FNBP1: variants seen among roughly 807,000 people sequenced by gnomAD.
The protein encoded by FNBP1 is formin-binding protein 1.
In FNBP1, 26 loss-of-function variants were observed where a neutral mutation model predicts 90.6. The observed-to-expected ratio is 0.29, with a 90% CI of 0.21 to 0.40. The LOEUF (loss-of-function observed/expected upper bound fraction) is 0.40. FNBP1 is among the 10% of genes least tolerant of loss of function. The pLI is 1.00. For synonymous variants in FNBP1, 260 were observed against 265.2 expected (o/e 0.98, Z 0.19); for missense variants, 635 against 768.0 (o/e 0.83, Z 2.05).
chr9:129,971,340 T>C (rs1424063956), intron 4 of FNBP1, among the ~76,000 whole-genome samples: 2 of 152,160 alleles, frequency 1.3e-5, no homozygotes, highest in Non-Finnish European at 2.9e-5. Flanking sequence ...AAGCATCTTT[T>C]CTCCTAGATA....
chr9:130,052,390 T>G, the FNBP1 span, among the ~76,000 whole-genome samples: 1 of 152,312 alleles, frequency 6.6e-6, no homozygotes, highest in South Asian at 2.1e-4. Flanking sequence ...ACTATTTTAA[T>G]GTTTCATCAC....
chr9:129,894,972 C>T (rs1258069266), intron 16 of FNBP1, among the ~76,000 whole-genome samples: 5 of 152,212 alleles, frequency 3.3e-5, no homozygotes, highest in South Asian at 2.1e-4. Flanking sequence ...GCAGGAGAAT[C>T]GCTTGAACCT....
chr9:130,053,797 C>T, the FNBP1 span: 8 of 801,570 alleles, frequency 1.0e-5, no homozygotes, highest in Admixed American at 2.7e-5. Context: ...CTTCCTAGGT[C>T]GCAATCTCCA....
intron 11 of FNBP1, chr9:129,914,880 T>C (rs1479842204): frequency 4.3e-6 from 2 of 464,168 alleles, no homozygotes; most frequent in Non-Finnish European, 9.0e-6. Context: ...AGTTGATCAC[T>C]GTCCATTATT....
At chr9:129,897,498 T>C (rs1294135725) in intron 15 of FNBP1, among the ~76,000 whole-genome samples, 2 of 152,244 alleles carry the variant, frequency 1.3e-5, no homozygotes, top group Non-Finnish European at 2.9e-5. Context: ...CTGTAAAATT[T>C]ATTTATCCCA....
intron 6 of FNBP1, among the ~76,000 whole-genome samples, chr9:129,944,405 G>A (rs140010848): frequency 0.01 from 1,550 of 151,644 alleles, 18 homozygotes; most frequent in South Asian, 0.04. Context: ...GCTGGGCGTC[G>A]TGGTGGGCGC....
intron 6 of FNBP1, among the ~76,000 whole-genome samples, chr9:129,936,968 G>A (rs1369559641): frequency 1.3e-5 from 2 of 152,062 alleles, no homozygotes; most frequent in Non-Finnish European, 2.9e-5. Flanking sequence ...TCAAGAGTTC[G>A]AGACCAGCCT....
chr9:129,925,175 AG>A lies in FNBP1; in HGVS notation c.790-19del. ...TGTGAATCCTGAAATTATACCCACA[AG>A]CATATAAATACATTCAGAAGCATGC... is the stretch of plus-strand genomic sequence containing the variant. On this transcript the variant is annotated intron_variant, in intron 8 of 16. Transcript: ENST00000446176. 6.3e-7 allele frequency: 1 copy of A among 1,595,542 alleles called. No homozygotes were observed. The highest frequency in any genetic ancestry group is 1.7e-4 in the Middle Eastern group (1 of 6,012).
chr9:130,005,508 A>AT (rs1490731096), intron 1 of FNBP1, among the ~76,000 whole-genome samples: 3 of 151,758 alleles, frequency 2.0e-5, no homozygotes, highest in East Asian at 3.9e-4. Context: ...CACCCGGCTA[A>AT]TTTTTTGTAT....
rs947607923 is a variant in FNBP1, at chr9:129,908,394, G to A, written c.1295+496C>T. Among the ~76,000 whole-genome samples, 171 of 146,732 alleles carry A rather than the reference G, an allele frequency of 1.2e-3. 1 individual carries two copies. Among genetic ancestry groups the A allele is most frequent in the African/African-American group, 4.2e-3 (167 of 39,940 alleles). ...AGTTTTTTTCTTTTTTTTTTTTTTA[G>A]GGTTTTTGCTATGTTGCCTGGGCTG... On this transcript the variant is annotated intron_variant, in intron 12 of 16. Coordinates refer to ENST00000446176, the MANE Select transcript of FNBP1 (RefSeq NM_015033.3).
At chr9:130,008,818 C>A (rs1399963769) in intron 1 of FNBP1, among the ~76,000 whole-genome samples, 1 of 152,164 alleles carries the variant, frequency 6.6e-6, no homozygotes, top group African/African-American at 2.4e-5. Flanking sequence ...GGAAAACCAA[C>A]TGTGCCTCTC....
chr9:130,052,807 TA>T, the FNBP1 span, among the ~76,000 whole-genome samples: 1 of 151,792 alleles, frequency 6.6e-6, no homozygotes, highest in Non-Finnish European at 1.5e-5. Context: ...CACTTAACTT[TA>T]AAAGATAAAA....
chr9:130,009,780 A>G (rs539365881), intron 1 of FNBP1, among the ~76,000 whole-genome samples: 6 of 151,920 alleles, frequency 3.9e-5, no homozygotes, highest in African/African-American at 1.4e-4. Flanking sequence ...CCAGCCTGGT[A>G]ACAGAGCAAG....
chr9:129,915,964 A>AC lies in FNBP1; in HGVS notation c.1185+1dup. On this transcript the variant is annotated splice_donor_variant, in intron 11 of 16. Coordinates refer to ENST00000446176, the MANE Select transcript of FNBP1 (RefSeq NM_015033.3). LOFTEE classifies it high-confidence loss of function. ...GGACATGCATGGAACAATTGTGCTT[A>AC]CCAGCTTGAGAGAAAGCTTCATGTA... 1 of 1,608,974 alleles carries AC rather than the reference A, an allele frequency of 6.2e-7. No homozygotes were observed. Among genetic ancestry groups the AC allele is most frequent in the Non-Finnish European group, 8.5e-7 (1 of 1,175,690 alleles).
intron 4 of FNBP1, among the ~76,000 whole-genome samples, chr9:129,968,889 G>C (rs1385204633): frequency 6.6e-6 from 1 of 152,152 alleles, no homozygotes; most frequent in Non-Finnish European, 1.5e-5. Flanking sequence ...TCCACCTGCA[G>C]GGAGAAGTTT....
At chr9:130,019,826 G>A (rs1367893697) in intron 1 of FNBP1, among the ~76,000 whole-genome samples, 1 of 151,968 alleles carries the variant, frequency 6.6e-6, no homozygotes, top group African/African-American at 2.4e-5. Context: ...CCAAAGTGCT[G>A]GGATTACAGG....
intron 6 of FNBP1, among the ~76,000 whole-genome samples, chr9:129,942,275 A>G (rs2044440297): frequency 6.6e-6 from 1 of 152,192 alleles, no homozygotes; most frequent in Non-Finnish European, 1.5e-5. Flanking sequence ...AGGAAATTTA[A>G]CTCCAAAAGG....
At chr9:130,045,521 G>A (rs2060055773), upstream of FNBP1, among the ~76,000 whole-genome samples, 1 of 152,170 alleles carries the variant, frequency 6.6e-6, no homozygotes, top group South Asian at 2.1e-4. Flanking sequence ...AAGAGGAAGA[G>A]GAAGGGACAG....
At chr9:129,985,091 C>T (rs921289933) in intron 2 of FNBP1, among the ~76,000 whole-genome samples, 3 of 151,962 alleles carry the variant, frequency 2.0e-5, no homozygotes, top group South Asian at 2.1e-4. Context: ...GGCCCTTTCG[C>T]GACCCTGACT....
Sources: allele counts gnomAD v4.1 joint callset (sites outside exome capture counted in the v4.1 genomes callset), GRCh38; gene constraint gnomAD v4.1.1; transcripts MANE v1.5; gene names NCBI Gene and HGNC (gene_info 2026-07-23, HGNC 2026-07-21).